Variants in FAM20B observed in about 807,000 individuals in gnomAD.
The protein encoded by FAM20B is glycosaminoglycan xylosylkinase.
FAM20B carries 23 observed loss-of-function variants against 43.8 expected under a neutral mutation model. That is an observed-to-expected ratio of 0.53 (90% CI 0.38 to 0.74). FAM20B has a LOEUF of 0.74. Among genes scored for constraint, FAM20B ranks in the 30% least tolerant of loss-of-function variants. FAM20B has a pLI of 0.00. For missense variants in FAM20B, 440 were observed against 510.5 expected (o/e 0.86, Z 1.33); for synonymous variants, 178 against 192.4 (o/e 0.93, Z 0.62).
intron 3 of FAM20B, among the ~76,000 whole-genome samples, chr1:179,051,728 C>T (rs1651015236): frequency 6.6e-6 from 1 of 152,184 alleles, no homozygotes; most frequent in African/African-American, 2.4e-5. Flanking sequence ...CTTACTGCAA[C>T]CTCGACGTCC....
chr1:179,069,225 C>T (rs1168465761), intron 7 of FAM20B, among the ~76,000 whole-genome samples: 1 of 152,162 alleles, frequency 6.6e-6, no homozygotes, highest in African/African-American at 2.4e-5. Flanking sequence ...TCTGCCTCCC[C>T]AACACCACCA....
At chr1:179,050,794 C>A (rs769951774) in intron 3 of FAM20B, among the ~76,000 whole-genome samples, 5 of 152,088 alleles carry the variant, frequency 3.3e-5, no homozygotes, top group Admixed American at 6.6e-5. Flanking sequence ...ATTCTTTATA[C>A]AAACTATGCA....
chr1:179,064,270 T>TTGTCAC (rs751715086), intron 5 of FAM20B, 35 bp from the exon 6 acceptor site: 2 of 1,553,730 alleles, frequency 1.3e-6, no homozygotes, highest in Non-Finnish European at 1.8e-6. Flanking sequence ...AGGTACAGTG[T>TTGTCAC]TGTCACTCAG....
chr1:179,060,243 G>A (rs1047656495), intron 4 of FAM20B, among the ~76,000 whole-genome samples: 3 of 152,148 alleles, frequency 2.0e-5, no homozygotes, highest in Non-Finnish European at 4.4e-5. Context: ...ACACTGCAAA[G>A]TGTTCCATTA....
chr1:179,071,416 C>G (rs1651920621), intron 7 of FAM20B, among the ~76,000 whole-genome samples: 1 of 152,130 alleles, frequency 6.6e-6, no homozygotes, highest in Non-Finnish European at 1.5e-5. Flanking sequence ...TCTAAGGATC[C>G]TCTTGTTAAC....
At chr1:179,025,583 G>C (rs1277892772), upstream of FAM20B, among the ~76,000 whole-genome samples, 1 of 152,170 alleles carries the variant, frequency 6.6e-6, no homozygotes, top group Non-Finnish European at 1.5e-5. Context: ...GAAAGAAAAA[G>C]AGAAGACGGG....
intron 6 of FAM20B, among the ~76,000 whole-genome samples, chr1:179,065,895 G>T (rs1651670744): frequency 6.6e-6 from 1 of 152,142 alleles, no homozygotes; most frequent in Non-Finnish European, 1.5e-5. Flanking sequence ...TCTGGTGAGG[G>T]CCTGTTTCTC....
intron 4 of FAM20B, among the ~76,000 whole-genome samples, chr1:179,062,726 C>T (rs1223461073): frequency 3.3e-5 from 5 of 152,198 alleles, no homozygotes; most frequent in African/African-American, 9.6e-5. Flanking sequence ...TAATTCACCA[C>T]TGCAGGATTT....
At chr1:179,044,806 G>A (rs2102498913) in intron 2 of FAM20B, among the ~76,000 whole-genome samples, 1 of 152,316 alleles carries the variant, frequency 6.6e-6, no homozygotes, top group South Asian at 2.1e-4. Context: ...CAACTCATTT[G>A]GATAGATACC....
intron 1 of FAM20B, among the ~76,000 whole-genome samples, chr1:179,032,140 A>G (rs889824070): frequency 3.3e-5 from 5 of 152,100 alleles, no homozygotes; most frequent in Admixed American, 6.5e-5. Flanking sequence ...GCCCCTCACT[A>G]TGTAACTGAG....
chr1:179,051,961 A>G (rs1159245828), intron 3 of FAM20B, among the ~76,000 whole-genome samples: 1 of 152,048 alleles, frequency 6.6e-6, no homozygotes, highest in Admixed American at 6.5e-5. Flanking sequence ...AAATGAATTT[A>G]TAAGGAAACC....
chr1:179,057,655 C>T (rs906890618), intron 4 of FAM20B, among the ~76,000 whole-genome samples: 5 of 152,212 alleles, frequency 3.3e-5, no homozygotes, highest in Non-Finnish European at 5.9e-5. Flanking sequence ...TTTTAAGACT[C>T]TAAAATCTTT....
intron 7 of FAM20B, among the ~76,000 whole-genome samples, chr1:179,067,400 T>C (rs1651734906): frequency 1.3e-5 from 2 of 152,220 alleles, no homozygotes; most frequent in Non-Finnish European, 2.9e-5. Context: ...AGGTCAGGAG[T>C]TCGAGACCAG....
intron 3 of FAM20B, among the ~76,000 whole-genome samples, chr1:179,052,238 A>G (rs1651037774): frequency 6.6e-6 from 1 of 152,220 alleles, no homozygotes. Flanking sequence ...TTAAAACTCT[A>G]TTAGAAAATG....
In FAM20B at chr1:179,071,943, C is replaced by T. The variant is rs1407045353; in HGVS notation, c.1029C>T (p.Asn343=). The T allele has an allele frequency of 1.2e-6, 2 of 1,613,942 alleles. No homozygotes were observed. The highest frequency in any genetic ancestry group is 2.7e-5 in the African/African-American group (2 of 74,926). The part of the protein sequence containing the change: ...IIRVSTWNRL[N]YLKNGVLKSA... ...GGGTGTCCACCTGGAACAGACTGAA[C>T]TACCTAAAGAATGGTGTGCTAAAGT... The change falls in exon 8 of 8, where the codon AAC becomes AAT. Residue 343 remains asparagine, a synonymous_variant. Transcript: ENST00000263733.
intron 1 of FAM20B, among the ~76,000 whole-genome samples, chr1:179,030,324 T>C (rs563272826): frequency 3.3e-5 from 5 of 152,092 alleles, no homozygotes; most frequent in African/African-American, 7.2e-5. Context: ...CAAAATAATA[T>C]GGAAGTACTT....
rs1242682459 is a variant in FAM20B, at chr1:179,063,961, C to T, written c.609C>T (p.Tyr203=). ...CTTGTTTTTATGGGAAGTGCTATTACTGCCGAGAAACAGAACCAGCTTGTG... is the reference window on the plus strand; with the variant it reads ...CTTGTTTTTATGGGAAGTGCTATTATTGCCGAGAAACAGAACCAGCTTGTG... The part of the protein sequence containing the change: ...NNTCFYGKCY[Y]CRETEPACAD... Residue 203 remains tyrosine (Y), a synonymous_variant, in exon 5 of 8, where the codon TAC becomes TAT. Coordinates refer to ENST00000263733, the MANE Select transcript of FAM20B (RefSeq NM_014864.4). The T allele has an allele frequency of 3.7e-6, 6 of 1,612,430 alleles. No individual in the cohort carries two copies. The East Asian group carries it at 1.3e-4, about 36-fold the overall frequency.
intron 1 of FAM20B, among the ~76,000 whole-genome samples, chr1:179,032,723 CTTAG>C (rs1033867292): frequency 1.3e-5 from 2 of 152,066 alleles, no homozygotes; most frequent in Non-Finnish European, 2.9e-5. Flanking sequence ...AATGCTATTA[CTTAG>C]TATTAGTTTT....
At chr1:179,062,247 G>A (rs1247340921) in intron 4 of FAM20B, among the ~76,000 whole-genome samples, 1 of 152,130 alleles carries the variant, frequency 6.6e-6, no homozygotes, top group Non-Finnish European at 1.5e-5. Flanking sequence ...CTTCCTGGGT[G>A]TCATTGTTTC....
Sources: allele counts gnomAD v4.1 joint callset (sites outside exome capture counted in the v4.1 genomes callset), GRCh38; gene constraint gnomAD v4.1.1; transcripts MANE v1.5; gene names NCBI Gene and HGNC (gene_info 2026-07-23, HGNC 2026-07-21).